The following TPCN1 variants were observed in gnomAD, a reference collection of about 807,000 sequenced individuals.
TPCN1 encodes the protein two pore segment channel 1.
TPCN1 carries 52 observed loss-of-function variants against 108.8 expected under a neutral mutation model. The ratio of observed to expected loss-of-function variants is 0.48; its 90% CI spans 0.38 to 0.60. TPCN1 has a LOEUF of 0.60. Ranked by LOEUF, TPCN1 falls within the 20% of genes least tolerant of loss-of-function variation. TPCN1 has a pLI of 0.00. For synonymous variants in TPCN1, 446 were observed against 433.7 expected, an observed-to-expected ratio of 1.03 and a Z score of -0.35; for missense variants, 806 against 1,072.8, an observed-to-expected ratio of 0.75 and a Z score of 3.47.
At chr12:113,248,512 A>C (rs1954491892) in intron 2 of TPCN1, among the ~76,000 whole-genome samples, 2 of 152,352 alleles carry the variant, frequency 1.3e-5, no homozygotes, top group Non-Finnish European at 2.9e-5. Flanking sequence ...CTCACCTTGT[A>C]GGGGAGGCCA....
rs77052703 is a variant in TPCN1 at position 113,257,488 on chromosome 12, C to CAA, written c.113-2866_113-2865dup. ...CCTGGGCGACAGAGTGAGACCGTCTCAAAAAAAAAAAAAAATGCTTAAAAA... is the reference window on the plus strand; with the variant it reads ...CCTGGGCGACAGAGTGAGACCGTCTCAAAAAAAAAAAAAAAAATGCTTAAAAA... On this transcript the variant is annotated intron_variant, in intron 2 of 27. Transcript: ENST00000335509. Among the ~76,000 whole-genome samples the CAA allele has an allele frequency of 2.2e-3, 214 of 96,736 alleles. 4 individuals carry two copies. In the East Asian group the frequency reaches 0.027, roughly 12 times the overall value. The allele number at this position is 96,736 out of a possible 152,430, so 63.5% of individuals were successfully genotyped here.
chr12:113,233,314 C>G (rs1953761917), intron 2 of TPCN1, among the ~76,000 whole-genome samples: 1 of 152,240 alleles, frequency 6.6e-6, no homozygotes. Context: ...GGGCTGAGTT[C>G]ACGTTTCCTC....
At chr12:113,250,764 G>T (rs558967896) in intron 2 of TPCN1, among the ~76,000 whole-genome samples, 1 of 152,180 alleles carries the variant, frequency 6.6e-6, no homozygotes, top group Admixed American at 6.5e-5. Context: ...AGACCAGCCT[G>T]GCCAACATGG....
intron 10 of TPCN1, among the ~76,000 whole-genome samples, chr12:113,275,098 C>A (rs777688649): frequency 6.6e-6 from 1 of 152,172 alleles, no homozygotes; most frequent in Admixed American, 6.5e-5. Context: ...GCAGAGCTAA[C>A]GGGGAGAGGC....
At chr12:113,236,719 A>G (rs919669899) in intron 2 of TPCN1, among the ~76,000 whole-genome samples, 1 of 152,002 alleles carries the variant, frequency 6.6e-6, no homozygotes, top group African/African-American at 2.4e-5. Flanking sequence ...GTGTGGTTAC[A>G]TGCACTCTGG....
At chr12:113,221,763 G>C (rs927132186) in intron 1 of TPCN1, 137 bp downstream of exon 1, 2 of 152,948 alleles carry the variant, frequency 1.3e-5, no homozygotes, top group Admixed American at 1.3e-4. Flanking sequence ...GGGGCGCAGG[G>C]AAGTCTCCAC....
chr12:113,260,309 G>A (rs1411457019), intron 2 of TPCN1, 59 bp from the exon 3 acceptor site: 6 of 1,448,124 alleles, frequency 4.1e-6, no homozygotes, highest in African/African-American at 3.0e-5. Flanking sequence ...TCTGCCAAAC[G>A]GTGTCTTTTT....
In TPCN1 at chr12:113,254,779, C is replaced by T. The variant is rs568072491; in HGVS notation, c.113-5589C>T. Among the ~76,000 whole-genome samples, 10 of 152,170 alleles carry T rather than the reference C, an allele frequency of 6.6e-5. No homozygotes were observed. The South Asian group carries it at 1.0e-3, about 16-fold the overall frequency. ...TTGGAGCATTTGGATTTCAGATTTT[C>T]GGATTAGGGATTCTCAAGCTGAAAT... On this transcript the variant is annotated intron_variant, in intron 2 of 27. Transcript: ENST00000335509.
At chr12:113,250,146 G>A (rs1359273424) in intron 2 of TPCN1, 1 of 152,210 alleles carries the variant, frequency 6.6e-6, no homozygotes, top group African/African-American at 2.4e-5. Context: ...GGAGAGGGAC[G>A]CGTGTGCTAA....
chr12:113,261,198 A>C (rs1426975865), intron 3 of TPCN1, among the ~76,000 whole-genome samples: 1 of 152,112 alleles, frequency 6.6e-6, no homozygotes. Flanking sequence ...ACAAACAAAA[A>C]ATTTTGTATT....
Position 113,289,380 on chromosome 12 carries a change from C to G in TPCN1, c.1796+533C>G, listed in dbSNP as rs564725253. 6.6e-6 allele frequency among the ~76,000 whole-genome samples: 1 copy of G among 152,374 alleles called. No individual in the cohort carries two copies. The highest frequency in any genetic ancestry group is 1.5e-5 in the Non-Finnish European group (1 of 68,036). ...AGAGTCCTCTTACATTTGGTCTTTA[C>G]AGCCTCAAGCACCGATGAAGAAACA... On this transcript the variant is annotated intron_variant, in intron 21 of 27. Transcript: ENST00000335509. The surrounding 1 kb of genome is among the most constrained non-coding windows in gnomAD (Gnocchi z 4.1).
At position 113,232,098 on chromosome 12, in the gene TPCN1, CG is replaced by C. The variant is rs1379465714; in HGVS notation, c.112+5139del. On this transcript the variant is annotated intron_variant, in intron 2 of 27. Transcript: ENST00000335509. The surrounding 1 kb of genome is among the most constrained non-coding windows in gnomAD (Gnocchi z 5.6). ...CTGAGTGAAGGAAGGATTGGGCTCG[CG>C]GGGGCTGGCTGAGGTCTGAGCAGGA... 1.3e-5 allele frequency among the ~76,000 whole-genome samples: 2 copies of C among 152,192 alleles called. No homozygotes were observed. Among genetic ancestry groups the C allele is most frequent in the Non-Finnish European group, 2.9e-5 (2 of 68,032 alleles).
chr12:113,290,289 C>G, intron 22 of TPCN1, 46 bp downstream of exon 22: 2 of 1,224,524 alleles, frequency 1.6e-6, no homozygotes, highest in South Asian at 2.6e-5. Flanking sequence ...GGGACCCCAC[C>G]CTTGTCACCC....
chr12:113,293,259 T>TC lies in TPCN1; in HGVS notation c.2254-9dup. ...TGCAGCCGAGCCCTGCAGCCTCTGC[T>TC]CTTCCTTAGCAACATTCCATGGTGT... On this transcript the variant is annotated splice_polypyrimidine_tract_variant and intron_variant, in intron 26 of 27. Transcript: ENST00000335509. 1.2e-6 allele frequency: 2 copies of TC among 1,614,040 alleles called. No homozygotes were observed. The highest frequency in any genetic ancestry group is 2.7e-5 in the African/African-American group (2 of 75,058).
intron 26 of TPCN1, 56 bp from the exon 27 acceptor site, chr12:113,293,213 C>T (rs1956324310): frequency 3.7e-6 from 6 of 1,606,004 alleles, no homozygotes; most frequent in Non-Finnish European, 5.1e-6. Context: ...ACTGTGGCAC[C>T]AGGGGTGGGA....
At position 113,272,561 on chromosome 12, in the gene TPCN1, C is replaced by T; in HGVS notation, c.749-97C>T. ...AGTCCCTGCTGCTCTTCCTGACCTGCTGCGTTCATTTGCATGTATTTGTCC... is the reference window on the plus strand; with the variant it reads ...AGTCCCTGCTGCTCTTCCTGACCTGTTGCGTTCATTTGCATGTATTTGTCC... On this transcript the variant is annotated intron_variant, in intron 7 of 27. Transcript: ENST00000335509. The surrounding 1 kb of genome is among the most constrained non-coding windows in gnomAD (Gnocchi z 4.1). 1 of 1,117,424 alleles carries T rather than the reference C, an allele frequency of 8.9e-7. No homozygotes were observed. The highest frequency in any genetic ancestry group is 1.4e-6 in the Non-Finnish European group (1 of 727,670). 69.2% of individuals were successfully genotyped at this position (1,117,424 alleles called of 1,614,324 possible).
Position 113,268,344 on chromosome 12 carries a change from T to A in TPCN1, c.528+388T>A, listed in dbSNP as rs1213699665. Among the ~76,000 whole-genome samples the A allele has an allele frequency of 1.3e-5, 2 of 152,184 alleles. No homozygotes were observed. The highest frequency in any genetic ancestry group is 2.9e-5 in the Non-Finnish European group (2 of 68,038). On this transcript the variant is annotated intron_variant, in intron 5 of 27. Coordinates refer to ENST00000335509, the MANE Select transcript of TPCN1 (RefSeq NM_017901.6). This position sits in a 1 kb window ranked among gnomAD's most constrained non-coding sequence, Gnocchi z 7.3. ...AGAGAGTGGCATGAGTAAGAGCACGTCAAGGTGGCATTTTGTAGTGTGTGG... is the reference window on the plus strand; with the variant it reads ...AGAGAGTGGCATGAGTAAGAGCACGACAAGGTGGCATTTTGTAGTGTGTGG...
In TPCN1 at chr12:113,291,641, C is replaced by T; in HGVS notation, c.1992C>T (p.Ser664=). The T allele has an allele frequency of 1.2e-6, 2 of 1,613,796 alleles. No individual in the cohort carries two copies. Among genetic ancestry groups the T allele is most frequent in the Middle Eastern group, 3.3e-4 (2 of 6,062 alleles). ...EGVTSQTSHW[S]RLYFMTFYIV... The stretch of plus-strand genomic sequence containing the variant: ...TCACCTCTCAGACCTCCCACTGGAG[C>T]CGCCTCTACTTCATGACCTTTTACA... Residue 664 remains serine, a synonymous_variant, in exon 24 of 28, where the codon AGC becomes AGT. Coordinates refer to ENST00000335509, the MANE Select transcript of TPCN1 (RefSeq NM_017901.6).
rs1288811374 is a variant in TPCN1 at position 113,266,930 on chromosome 12, A to T, written c.414+574A>T. ...AGCCTGGCCTCCAAGGCCCTCCATGACTCAGTTTCCCTTCCTGTTTCTCCT... is the reference window on the plus strand; with the variant it reads ...AGCCTGGCCTCCAAGGCCCTCCATGTCTCAGTTTCCCTTCCTGTTTCTCCT... On this transcript the variant is annotated intron_variant, in intron 4 of 27. Transcript: ENST00000335509. This position sits in a 1 kb window ranked among gnomAD's most constrained non-coding sequence, Gnocchi z 4.2. Among the ~76,000 whole-genome samples, 1 of 151,952 alleles carries T rather than the reference A, an allele frequency of 6.6e-6. No homozygotes were observed. The highest frequency in any genetic ancestry group is 1.9e-4 in the East Asian group (1 of 5,172).
Sources: gnomAD v4.1 joint callset for allele counts (sites outside exome capture counted in the v4.1 genomes callset) on GRCh38, gnomAD v4.1.1 for gene constraint, Gnocchi (gnomAD v3.1) non-coding constraint, MANE v1.5 for transcripts, NCBI Gene and HGNC (gene_info 2026-07-23, HGNC 2026-07-21) for gene names.